Variants in GRIN2A observed in about 807,000 individuals in gnomAD.
GRIN2A encodes the protein glutamate ionotropic receptor NMDA type subunit 2A.
GRIN2A carries 22 observed loss-of-function variants against 113.4 expected under a neutral mutation model. The observed-to-expected ratio is 0.19, with a 90% CI of 0.14 to 0.28. GRIN2A has a LOEUF of 0.28. Ranked by LOEUF, GRIN2A falls within the 10% of genes least tolerant of loss-of-function variation. The probability of loss-of-function intolerance (pLI) is 1.00; values close to 1 mark genes in which losing one functional copy is unlikely to be tolerated. For missense variants in GRIN2A, 1,502 were observed against 1,887.0 expected, an observed-to-expected ratio of 0.80 and a Z score of 3.78; for synonymous variants, 827 against 738.4, an observed-to-expected ratio of 1.12 and a Z score of -1.94.
intron 10 of GRIN2A, among the ~76,000 whole-genome samples, chr16:9,808,767 T>G (rs752144625): frequency 2.0e-5 from 3 of 152,120 alleles, no homozygotes; most frequent in Non-Finnish European, 4.4e-5. Context: ...ACTACGTAAG[T>G]TTGAAGGCTT....
chr16:10,089,732 G>A (rs1016855913), intron 2 of GRIN2A, among the ~76,000 whole-genome samples: 1 of 152,154 alleles, frequency 6.6e-6, no homozygotes, highest in African/African-American at 2.4e-5. Flanking sequence ...AATAACAGAG[G>A]TCTAAACGGG....
At chr16:10,028,411 G>A (rs199990280) in intron 2 of GRIN2A, among the ~76,000 whole-genome samples, 2 of 152,274 alleles carry the variant, frequency 1.3e-5, no homozygotes, top group East Asian at 3.9e-4. Context: ...GCCCAGCCAT[G>A]GACACTTCCC....
intron 10 of GRIN2A, among the ~76,000 whole-genome samples, chr16:9,815,425 A>G (rs1034330607): frequency 6.6e-6 from 1 of 151,818 alleles, no homozygotes; most frequent in Non-Finnish European, 1.5e-5. Flanking sequence ...AAAAAAAAAA[A>G]AAAAAGAAAA....
intron 3 of GRIN2A, among the ~76,000 whole-genome samples, chr16:9,933,878 G>T (rs2044653061): frequency 6.6e-6 from 1 of 152,214 alleles, no homozygotes; most frequent in South Asian, 2.1e-4. Context: ...TGAGGTAAAG[G>T]AAGTTCTAAC....
intron 11 of GRIN2A, among the ~76,000 whole-genome samples, chr16:9,778,841 G>A (rs567730382): frequency 6.6e-6 from 1 of 152,342 alleles, no homozygotes; most frequent in African/African-American, 2.4e-5. Flanking sequence ...CTCTGGCACT[G>A]GAAGCCCAAC....
intron 4 of GRIN2A, among the ~76,000 whole-genome samples, chr16:9,889,996 T>C (rs2043662047): frequency 6.6e-6 from 1 of 152,140 alleles, no homozygotes; most frequent in Non-Finnish European, 1.5e-5. Context: ...GAATCTGTCA[T>C]TGTCTCCCCA....
intron 2 of GRIN2A, chr16:10,112,004 G>A: frequency 1.5e-6 from 1 of 670,150 alleles, no homozygotes; most frequent in Non-Finnish European, 2.7e-6. Context: ...AAGGGAAGCT[G>A]CCTGTGGTCA....
intron 2 of GRIN2A, among the ~76,000 whole-genome samples, chr16:10,136,337 T>G (rs1366926664): frequency 6.6e-6 from 1 of 152,126 alleles, no homozygotes; most frequent in African/African-American, 2.4e-5. Context: ...AATCTCCAGC[T>G]AAAAACAAGC....
intron 4 of GRIN2A, among the ~76,000 whole-genome samples, chr16:9,865,252 A>G (rs897703182): frequency 6.6e-6 from 1 of 152,156 alleles, no homozygotes; most frequent in Non-Finnish European, 1.5e-5. Context: ...GATGGGATGG[A>G]TAAGACTTGC....
intron 11 of GRIN2A, among the ~76,000 whole-genome samples, chr16:9,778,497 A>G (rs1051240898): frequency 2.0e-5 from 3 of 152,226 alleles, no homozygotes; most frequent in Non-Finnish European, 4.4e-5. Flanking sequence ...TTAATATCAC[A>G]AAGGAGTTCT....
At position 9,763,324 on chromosome 16, in the gene GRIN2A, G is replaced by A. The variant is rs766574975; in HGVS notation, c.4220C>T (p.Ser1407Leu). ...NDSYLRSSLR[S>L]TASYCSRDSR... ...GTCCCTGGAACAGTACGATGCCGTT[G>A]ACCTCAAGGACGACCGAAGATAGCT... The change falls in exon 13 of 13, where the codon TCA (serine) becomes TTA (leucine). Residue 1407 changes from serine to leucine, a missense_variant. Physicochemically the swap from Ser to Leu is moderately radical, Grantham distance 145. Transcript: ENST00000330684. 6 of 1,614,128 alleles carry A rather than the reference G, an allele frequency of 3.7e-6. No individual in the cohort carries two copies. The highest frequency in any genetic ancestry group is 5.1e-6 in the Non-Finnish European group (6 of 1,180,008).
At chr16:10,175,960 G>A (rs1007819025) in intron 2 of GRIN2A, among the ~76,000 whole-genome samples, 17 of 151,496 alleles carry the variant, frequency 1.1e-4, no homozygotes, top group African/African-American at 7.3e-5. Context: ...CATCTACATC[G>A]AGCATTATTT....
At chr16:9,783,795 G>C (rs528464410) in intron 11 of GRIN2A, among the ~76,000 whole-genome samples, 1 of 152,164 alleles carries the variant, frequency 6.6e-6, no homozygotes, top group African/African-American at 2.4e-5. Flanking sequence ...GGTAAATATT[G>C]TTACTTTAAA....
At chr16:10,152,245 A>G (rs2049596047) in intron 2 of GRIN2A, among the ~76,000 whole-genome samples, 1 of 152,178 alleles carries the variant, frequency 6.6e-6, no homozygotes, top group Admixed American at 6.5e-5. Flanking sequence ...CAAAGTTAGG[A>G]AGAGTCAGGG....
chr16:10,019,110 T>C (rs1375074543), intron 2 of GRIN2A, among the ~76,000 whole-genome samples: 5 of 77,800 alleles, frequency 6.4e-5, no homozygotes, highest in Non-Finnish European at 6.5e-5. Flanking sequence ...CTTGAGCAAA[T>C]TGCAGGATCT....
intron 2 of GRIN2A, among the ~76,000 whole-genome samples, chr16:10,147,033 C>T (rs936345628): frequency 1.3e-5 from 2 of 152,072 alleles, no homozygotes; most frequent in African/African-American, 4.8e-5. Flanking sequence ...CCTCAGGCCA[C>T]CCAGGTACCA....
At chr16:10,160,278 T>C (rs1246536089) in intron 2 of GRIN2A, among the ~76,000 whole-genome samples, 1 of 152,166 alleles carries the variant, frequency 6.6e-6, no homozygotes, top group Non-Finnish European at 1.5e-5. Flanking sequence ...TATAGAATGA[T>C]GAAGTCATCA....
At position 9,841,011 on chromosome 16, in the gene GRIN2A, A is replaced by C. The variant is rs905817094; in HGVS notation, c.1422T>G (p.Thr474=). ...LKKLSRTVKF[T]YDLYLVTNGK... ...CATTGGTCACCAGATAGAGGTCGTA[A>C]GTAAACTTCACAGTTCTGGAAAGCT... The change falls in exon 6 of 13, where the codon ACT becomes ACG. Residue 474 remains threonine, a synonymous_variant. Transcript: ENST00000330684. 3.7e-6 allele frequency: 6 copies of C among 1,613,686 alleles called. No individual in the cohort carries two copies. The highest frequency in any genetic ancestry group is 4.2e-6 in the Non-Finnish European group (5 of 1,179,610).
intron 2 of GRIN2A, among the ~76,000 whole-genome samples, chr16:10,061,226 T>G (rs765863771): frequency 3.5e-4 from 53 of 152,188 alleles, no homozygotes; most frequent in Non-Finnish European, 6.6e-4. Context: ...ACTTTAATGA[T>G]GCAAACCATG....
Sources: gnomAD v4.1 joint callset for allele counts (sites outside exome capture counted in the v4.1 genomes callset) on GRCh38, gnomAD v4.1.1 for gene constraint, MANE v1.5 for transcripts, NCBI Gene and HGNC (gene_info 2026-07-23, HGNC 2026-07-21) for gene names.